Variants in CDC42 observed in about 807,000 individuals in gnomAD.
The protein encoded by CDC42 is cell division cycle 42, also known as cell division control protein 42 homolog.
CDC42 carries 1 observed loss-of-function variant against 20.8 expected under a neutral mutation model. The observed-to-expected ratio is 0.05, with a 90% CI of 0.02 to 0.23. The LOEUF (loss-of-function observed/expected upper bound fraction) is 0.23, where lower values mean the gene tolerates loss of function less well. CDC42 is among the 10% of genes least tolerant of loss of function. The pLI is 1.00. For synonymous variants in CDC42, 72 were observed against 84.8 expected, an observed-to-expected ratio of 0.85 and a Z score of 0.83; for missense variants, 49 against 227.9, an observed-to-expected ratio of 0.21 and a Z score of 5.05.
chr1:22,077,172 T>C (rs1311471861), intron 1 of CDC42, among the ~76,000 whole-genome samples: 1 of 151,938 alleles, frequency 6.6e-6, no homozygotes, highest in Non-Finnish European at 1.5e-5. Flanking sequence ...AAGAAAAATA[T>C]ACTGCAGATA....
chr1:22,070,770 G>C (rs980456149), intron 1 of CDC42, among the ~76,000 whole-genome samples: 29 of 151,100 alleles, frequency 1.9e-4, no homozygotes, highest in African/African-American at 6.8e-4. Context: ...GGCCTTCTTT[G>C]CCTCTTTTTA....
chr1:22,071,764 A>AGTAT (rs1200370874), intron 1 of CDC42, among the ~76,000 whole-genome samples: 9 of 152,178 alleles, frequency 5.9e-5, no homozygotes, highest in Admixed American at 3.3e-4. Context: ...TTGTATCCTA[A>AGTAT]GTATGAAAAT....
intron 1 of CDC42, among the ~76,000 whole-genome samples, chr1:22,072,066 G>T (rs1478927019): frequency 1.4e-5 from 2 of 145,500 alleles, no homozygotes; most frequent in East Asian, 4.1e-4. Context: ...ACAACTCATA[G>T]AACTCAGGAA....
intron 5 of CDC42, chr1:22,090,444 C>T (rs1405612047): frequency 3.0e-6 from 3 of 995,654 alleles, no homozygotes; most frequent in African/African-American, 3.5e-5. Flanking sequence ...AATTGCATGA[C>T]AAACCTTATG....
chr1:22,080,336 A>AT (rs1645595005), intron 2 of CDC42, among the ~76,000 whole-genome samples: 1 of 152,194 alleles, frequency 6.6e-6, no homozygotes, highest in African/African-American at 2.4e-5. Context: ...TAAGAAAATA[A>AT]TCTGTTTGGT....
At chr1:22,075,775 C>A (rs756694092) in intron 1 of CDC42, among the ~76,000 whole-genome samples, 1 of 152,140 alleles carries the variant, frequency 6.6e-6, no homozygotes, top group Non-Finnish European at 1.5e-5. Context: ...TTGAATAACA[C>A]AGAGGTTGAA....
At chr1:22,054,398 TACAG>T (rs1414374013) in intron 1 of CDC42, among the ~76,000 whole-genome samples, 1 of 152,032 alleles carries the variant, frequency 6.6e-6, no homozygotes, top group Admixed American at 6.6e-5. Context: ...GTATTTTTTG[TACAG>T]ACAGGGTTTC....
rs1032010327 is a variant in CDC42, at chr1:22,101,277, T to C, written c.*9760T>C. 3 of 152,254 alleles carry C rather than the reference T, an allele frequency of 2.0e-5. No homozygotes were observed. The highest frequency in any genetic ancestry group is 2.9e-5 in the Non-Finnish European group (2 of 68,052). 9.4% of individuals were successfully genotyped at this position (152,254 alleles called of 1,614,324 possible). ...TGGAAGTTGAAGATCCAGGTTCTAG[T>C]TGAGGCACCAGAGTTTCCTTGGGCA... is the stretch of plus-strand genomic sequence containing the variant. On this transcript the variant is annotated 3_prime_UTR_variant, in exon 6 of 6. Transcript: ENST00000656825.
Position 22,092,873 on chromosome 1 carries a change from A to G in CDC42, c.*1356A>G, listed in dbSNP as rs16826566. 276 of 152,660 alleles carry G rather than the reference A, an allele frequency of 1.8e-3. 2 individuals carry two copies. Among genetic ancestry groups the G allele is most frequent in the African/African-American group, 6.3e-3 (261 of 41,536 alleles). The allele number at this position is 152,660 out of a possible 1,614,324, so 9.5% of individuals were successfully genotyped here. On this transcript the variant is annotated 3_prime_UTR_variant, in exon 6 of 6. Coordinates refer to ENST00000656825, the MANE Select transcript of CDC42 (RefSeq NM_001791.4). ...TTGTAGATGCATTAGTGTTGAACCA[A>G]TGCTTTCTCATGTCTCAATTCTTTG... is the stretch of plus-strand genomic sequence containing the variant.
At chr1:22,056,374 A>G (rs1313001654) in intron 1 of CDC42, among the ~76,000 whole-genome samples, 4 of 152,194 alleles carry the variant, frequency 2.6e-5, no homozygotes, top group Non-Finnish European at 5.9e-5. Context: ...CTGTCTGGAC[A>G]ATTTACCATC....
chr1:22,089,304 T>C (rs781239479), intron 5 of CDC42, among the ~76,000 whole-genome samples: 2 of 152,224 alleles, frequency 1.3e-5, no homozygotes, highest in African/African-American at 2.4e-5. Flanking sequence ...CCATGCTTTA[T>C]GCTCTGATAC....
rs1195001561 is a variant in CDC42, at chr1:22,090,844, C to T, written c.487-584C>T. 3.1e-6 allele frequency: 3 copies of T among 980,168 alleles called. No homozygotes were observed. In the African/African-American group the frequency reaches 5.3e-5, roughly 17 times the overall value. The allele number at this position is 980,168 out of a possible 1,614,324, so 60.7% of individuals were successfully genotyped here. Reference sequence around the variant, plus strand: ...GCTTTATTCCTGTTGCACTGACTGGCTCTAATTTTACGTATGTATCAGGTA... The same window carrying T: ...GCTTTATTCCTGTTGCACTGACTGGTTCTAATTTTACGTATGTATCAGGTA... On this transcript the variant is annotated intron_variant, in intron 5 of 5. Coordinates refer to ENST00000656825, the MANE Select transcript of CDC42 (RefSeq NM_001791.4).
rs933600892 is a variant in CDC42, at chr1:22,098,303, C to T, written c.*6786C>T. ...TATCATTGAGGTCTCAAATGCAGTT[C>T]GGGTTCCTGGTTGGTGAACAATTAG... On this transcript the variant is annotated 3_prime_UTR_variant, in exon 6 of 6. Coordinates refer to ENST00000656825, the MANE Select transcript of CDC42 (RefSeq NM_001791.4). Among the ~76,000 whole-genome samples the T allele has an allele frequency of 1.3e-4, 20 of 151,618 alleles. No homozygotes were observed. Among genetic ancestry groups the T allele is most frequent in the Non-Finnish European group, 2.5e-4 (17 of 67,948 alleles).
At chr1:22,062,226 A>G (rs141230466) in intron 1 of CDC42, among the ~76,000 whole-genome samples, 8 of 152,172 alleles carry the variant, frequency 5.3e-5, no homozygotes, top group South Asian at 2.1e-4. Flanking sequence ...GTGAGCCTCC[A>G]TGCCTGGCTG....
chr1:22,070,763 C>T (rs1375336632), intron 1 of CDC42, among the ~76,000 whole-genome samples: 1 of 151,722 alleles, frequency 6.6e-6, no homozygotes, highest in Admixed American at 6.6e-5. Flanking sequence ...CACGCCTGGC[C>T]TTCTTTGCCT....
rs566697700 is a variant in CDC42, at chr1:22,093,750, C to T, written c.*2233C>T. Among the ~76,000 whole-genome samples, 3 of 152,278 alleles carry T rather than the reference C, an allele frequency of 2.0e-5. No individual in the cohort carries two copies. The highest frequency in any genetic ancestry group is 4.1e-4 in the South Asian group (2 of 4,824). On this transcript the variant is annotated 3_prime_UTR_variant, in exon 6 of 6. Transcript: ENST00000656825. The stretch of plus-strand genomic sequence containing the variant: ...TGTTGACTATACTAGGGAGAGATAC[C>T]TGGATCATGTGATACCCTGGAAAGC...
chr1:22,089,878 T>G, intron 5 of CDC42: 1 of 1,523,430 alleles, frequency 6.6e-7, no homozygotes, highest in Non-Finnish European at 9.0e-7. Flanking sequence ...ACTGCTGTTG[T>G]ACCTGCTAGT....
intron 1 of CDC42, chr1:22,074,250 G>C (rs1645524265): frequency 6.6e-6 from 1 of 152,066 alleles, no homozygotes; most frequent in Admixed American, 6.6e-5. Flanking sequence ...CTAATTTTTT[G>C]TATTTTTAGT....
At position 22,061,528 on chromosome 1, in the gene CDC42, CTTTCTTTTTTTTTT is replaced by C. The variant is rs1204929572; in HGVS notation, c.-51+8790_-51+8803del. 1.0e-4 allele frequency among the ~76,000 whole-genome samples: 9 copies of C among 86,296 alleles called. 1 individual carries two copies. In the East Asian group the frequency reaches 2.1e-3, roughly 20 times the overall value. 56.6% of individuals were successfully genotyped at this position (86,296 alleles called of 152,430 possible). On this transcript the variant is annotated intron_variant, in intron 1 of 5. Coordinates refer to ENST00000656825, the MANE Select transcript of CDC42 (RefSeq NM_001791.4). ...GGTCAATCAGTTTAACTTCATGTTT[CTTTCTTTTTTTTTT>C]TTTTTTTTTTTTTTTTTTTGAGATG...
Sources: gnomAD v4.1 joint callset for allele counts (sites outside exome capture counted in the v4.1 genomes callset) on GRCh38, gnomAD v4.1.1 for gene constraint, MANE v1.5 for transcripts, NCBI Gene and HGNC (gene_info 2026-07-23, HGNC 2026-07-21) for gene names.